The following SIPA1L1 variants were observed in gnomAD, a reference collection of about 807,000 sequenced individuals.
The protein encoded by SIPA1L1 is signal induced proliferation associated 1 like 1.
Under a neutral mutation model 162.7 loss-of-function variants are expected in SIPA1L1, and 26 were observed. The ratio of observed to expected loss-of-function variants is 0.16; its 90% CI spans 0.12 to 0.22. The LOEUF (loss-of-function observed/expected upper bound fraction) is 0.22. Among genes scored for constraint, SIPA1L1 ranks in the 10% least tolerant of loss-of-function variants. SIPA1L1 has a pLI of 1.00. For synonymous variants in SIPA1L1, 829 were observed against 837.4 expected (o/e 0.99, Z 0.17); for missense variants, 1,874 against 2,241.0 (o/e 0.84, Z 3.31).
intron 17 of SIPA1L1, among the ~76,000 whole-genome samples, chr14:71,722,421 A>G (rs1179104136): frequency 6.6e-6 from 1 of 152,226 alleles, no homozygotes; most frequent in African/African-American, 2.4e-5. Context: ...TGAAAGTGCC[A>G]TCGAGGAACG....
At chr14:71,391,283 T>G (rs2040734422) in intron 2 of SIPA1L1, among the ~76,000 whole-genome samples, 1 of 151,952 alleles carries the variant, frequency 6.6e-6, no homozygotes, top group Admixed American at 6.6e-5. Flanking sequence ...TTTTTTGTAT[T>G]TTTAGTAGAG....
intron 4 of SIPA1L1, among the ~76,000 whole-genome samples, chr14:71,544,325 T>C (rs1330938440): frequency 6.6e-6 from 1 of 151,682 alleles, no homozygotes; most frequent in Non-Finnish European, 1.5e-5. Context: ...TATATGTATA[T>C]ACATATATCA....
intron 2 of SIPA1L1, among the ~76,000 whole-genome samples, chr14:71,348,929 G>T (rs963763913): frequency 6.6e-6 from 1 of 152,164 alleles, no homozygotes; most frequent in African/African-American, 2.4e-5. Context: ...TTGAGGAACC[G>T]CAGTTGGGAA....
intron 7 of SIPA1L1, among the ~76,000 whole-genome samples, chr14:71,626,410 C>T (rs1386393888): frequency 2.0e-5 from 3 of 152,152 alleles, no homozygotes; most frequent in Non-Finnish European, 4.4e-5. Context: ...TCCATACATA[C>T]AGCATTCAAA....
intron 2 of SIPA1L1, among the ~76,000 whole-genome samples, chr14:71,479,375 G>GTATGTATGTA (rs1266385412): frequency 1.5e-3 from 112 of 72,990 alleles, no homozygotes; most frequent in South Asian, 2.4e-3. Flanking sequence ...GTATGTATGT[G>GTATGTATGTA]TGTATATATG....
In SIPA1L1 at chr14:71,427,575, C is replaced by G. The variant is rs372701574; in HGVS notation, c.-464-85168C>G. Among the ~76,000 whole-genome samples the G allele has an allele frequency of 5.8e-4, 88 of 152,212 alleles. No homozygotes were observed. The South Asian group carries it at 0.018, about 31-fold the overall frequency. On this transcript the variant is annotated intron_variant, in intron 2 of 23. Transcript: ENST00000381232. ...TGTGTTGCTTAGCTTGATGGTGTCCCATAGGTCCCCTGGCTCTGCTCACTT... is the reference window on the plus strand; with the variant it reads ...TGTGTTGCTTAGCTTGATGGTGTCCGATAGGTCCCCTGGCTCTGCTCACTT...
chr14:71,632,855 A>G (rs1239196792), intron 7 of SIPA1L1, among the ~76,000 whole-genome samples: 2 of 152,194 alleles, frequency 1.3e-5, no homozygotes, highest in East Asian at 3.8e-4. Flanking sequence ...CATTTTTTCC[A>G]TACCAGAATG....
chr14:71,418,231 G>T (rs995181424), intron 2 of SIPA1L1: 1 of 152,020 alleles, frequency 6.6e-6, no homozygotes, highest in African/African-American at 2.4e-5. Flanking sequence ...TCTTTGGAGG[G>T]GTGTGCCTTA....
At chr14:71,539,981 G>A (rs1458798410) in intron 4 of SIPA1L1, among the ~76,000 whole-genome samples, 1 of 152,224 alleles carries the variant, frequency 6.6e-6, no homozygotes, top group Non-Finnish European at 1.5e-5. Context: ...CATCCAGTGG[G>A]ACGATGCCAT....
chr14:71,521,386 T>C (rs1292338538), intron 3 of SIPA1L1, among the ~76,000 whole-genome samples: 1 of 152,124 alleles, frequency 6.6e-6, no homozygotes, highest in Non-Finnish European at 1.5e-5. Context: ...TATGAGGCAG[T>C]GGTAATAAAC....
At chr14:71,722,758 T>C (rs1047637207) in intron 17 of SIPA1L1, among the ~76,000 whole-genome samples, 1 of 152,192 alleles carries the variant, frequency 6.6e-6, no homozygotes, top group African/African-American at 2.4e-5. Context: ...ATTTTTGAGA[T>C]GGAGTCTCAC....
chr14:71,399,876 A>G (rs891611787), intron 2 of SIPA1L1, among the ~76,000 whole-genome samples: 5 of 152,020 alleles, frequency 3.3e-5, no homozygotes, highest in African/African-American at 1.2e-4. Context: ...GTATACCATG[A>G]CACCTGGCTG....
Position 71,735,594 on chromosome 14 carries a change from C to T in SIPA1L1, c.5123+203C>T, listed in dbSNP as rs1764221191. ...AAACTATTCTTGATGACTTATACGGCCATAATGATGAATATTCATTATTAT... is the reference window on the plus strand; with the variant it reads ...AAACTATTCTTGATGACTTATACGGTCATAATGATGAATATTCATTATTAT... On this transcript the variant is annotated intron_variant, in intron 22 of 23. Transcript: ENST00000381232. 5 of 491,442 alleles carry T rather than the reference C, an allele frequency of 1.0e-5. No individual in the cohort carries two copies. The South Asian group carries it at 1.8e-4, about 17-fold the overall frequency. The allele number at this position is 491,442 out of a possible 1,614,324, so 30.4% of individuals were successfully genotyped here.
chr14:71,723,530 T>C lies in SIPA1L1; in HGVS notation c.4209-117T>C. ...AAGGCCAGCCAGGCATCGCTGTTAA[T>C]AGTTCATGAAAAATTCACTGTTGTT... On this transcript the variant is annotated intron_variant, in intron 17 of 23. Coordinates refer to ENST00000381232, the MANE Select transcript of SIPA1L1 (RefSeq NM_001386936.1). 13 of 1,136,016 alleles carry C rather than the reference T, an allele frequency of 1.1e-5. 1 individual carries two copies. In the South Asian group the frequency reaches 1.8e-4, roughly 16 times the overall value. 70.4% of individuals were successfully genotyped at this position (1,136,016 alleles called of 1,614,324 possible). A position where few individuals can be genotyped will look rare whatever the true frequency, so the allele number is the denominator to read the frequency against.
At chr14:71,730,367 C>T in intron 20 of SIPA1L1, 66 bp downstream of exon 20, 1 of 1,574,852 alleles carries the variant, frequency 6.3e-7, no homozygotes, top group Admixed American at 1.7e-5. Context: ...CCAGACGTGG[C>T]TGCCACTCAT....
chr14:71,484,101 C>T (rs1418715442), intron 2 of SIPA1L1, among the ~76,000 whole-genome samples: 3 of 152,172 alleles, frequency 2.0e-5, no homozygotes, highest in Non-Finnish European at 4.4e-5. Context: ...ATAATAGACA[C>T]TATCCTCAGT....
Position 71,658,314 on chromosome 14 carries a change from A to C in SIPA1L1, c.1994-19A>C. On this transcript the variant is annotated intron_variant, in intron 8 of 23. Transcript: ENST00000381232. ...TTCCTGTTATAGTCATCTCATCATT[A>C]TATTTTTTTTAACTGTAGCTGACTC... The C allele has an allele frequency of 8.2e-7, 1 of 1,225,452 alleles. No individual in the cohort carries two copies. Among genetic ancestry groups the C allele is most frequent in the Non-Finnish European group, 1.2e-6 (1 of 828,694 alleles). 75.9% of individuals were successfully genotyped at this position (1,225,452 alleles called of 1,614,324 possible).
intron 2 of SIPA1L1, among the ~76,000 whole-genome samples, chr14:71,446,972 C>T (rs1033777030): frequency 2.5e-5 from 3 of 121,796 alleles, no homozygotes; most frequent in Non-Finnish European, 4.8e-5. Context: ...AGTGCAGTGG[C>T]ATGATCATGG....
intron 16 of SIPA1L1, 48 bp from the exon 17 acceptor site, chr14:71,709,174 T>C (rs762600727): frequency 6.8e-7 from 1 of 1,480,402 alleles, no homozygotes; most frequent in East Asian, 2.3e-5. Flanking sequence ...TATTCTCTTG[T>C]TCAGGAAGCA....
Sources: gnomAD v4.1 joint callset for allele counts (sites outside exome capture counted in the v4.1 genomes callset) on GRCh38, gnomAD v4.1.1 for gene constraint, MANE v1.5 for transcripts, NCBI Gene and HGNC (gene_info 2026-07-23, HGNC 2026-07-21) for gene names.